The following HAP1 variants were observed in gnomAD, a reference collection of about 807,000 sequenced individuals.
The protein encoded by HAP1 is huntingtin-associated protein 1.
Under a neutral mutation model 60.3 loss-of-function variants are expected in HAP1, and 59 were observed. The ratio of observed to expected loss-of-function variants is 0.98; its 90% CI spans 0.79 to 1.22. The LOEUF (loss-of-function observed/expected upper bound fraction) is 1.22, where lower values mean the gene tolerates loss of function less well. HAP1 is among the 50% of genes most tolerant of loss of function. The probability of loss-of-function intolerance (pLI) is 0.00; values close to 1 mark genes in which losing one functional copy is unlikely to be tolerated. For synonymous variants in HAP1, 346 were observed against 330.6 expected (o/e 1.05, Z -0.50); for missense variants, 825 against 785.3 (o/e 1.05, Z -0.60).
rs781844983 is a variant in HAP1, at chr17:41,734,405, T to C, written c.230A>G (p.Lys77Arg). The part of the protein sequence containing the change: ...GARPASEAGA[K>R]AGARRPSAFS... ...TGCGGACGGGCGCCGGGCTCCTGCC[T>C]TGGCTCCAGCCTCCGAGGCCGGGCG... Residue 77 changes from lysine to arginine, a missense_variant, in exon 1 of 11, where the codon AAG (lysine) becomes AGG (arginine). Lys to Arg is a conservative substitution (Grantham distance 26). Coordinates refer to ENST00000347901, the MANE Select transcript of HAP1 (RefSeq NM_177977.3). 6.8e-6 allele frequency: 11 copies of C among 1,607,694 alleles called. No individual in the cohort carries two copies. Among genetic ancestry groups the C allele is most frequent in the Admixed American group, 5.0e-5 (3 of 59,894 alleles).
chr17:41,727,667 C>A, intron 8 of HAP1, 95 bp downstream of exon 8: 1 of 763,286 alleles, frequency 1.3e-6, no homozygotes. Context: ...TCCTGCTAGT[C>A]CTCTCCAGAG....
chr17:41,724,680 G>T lies in HAP1; in HGVS notation c.*21C>A. 1.9e-6 allele frequency: 3 copies of T among 1,562,168 alleles called. No homozygotes were observed. The highest frequency in any genetic ancestry group is 2.6e-6 in the Non-Finnish European group (3 of 1,146,406). ...AGGCTGGGGCAGGTGAGCACTCGGG[G>T]AGCTTATCCACCCTCTCTTTTCATC... On this transcript the variant is annotated 3_prime_UTR_variant, in exon 11 of 11. Coordinates refer to ENST00000347901, the MANE Select transcript of HAP1 (RefSeq NM_177977.3).
chr17:41,731,128 C>G (rs1555590726), intron 6 of HAP1, among the ~76,000 whole-genome samples: 1 of 152,132 alleles, frequency 6.6e-6, no homozygotes, highest in Non-Finnish European at 1.5e-5. Context: ...TTAGGCTGGT[C>G]TCAAACTCCT....
intron 6 of HAP1, among the ~76,000 whole-genome samples, chr17:41,728,846 C>G (rs150857686): frequency 4.0e-4 from 61 of 152,264 alleles, no homozygotes; most frequent in African/African-American, 1.3e-3. Flanking sequence ...CAGGCCAGAC[C>G]ACAGTAGTGG....
downstream of HAP1, among the ~76,000 whole-genome samples, chr17:41,719,890 C>CTTTTT (rs33939681): frequency 1.6e-5 from 2 of 128,830 alleles, no homozygotes; most frequent in Non-Finnish European, 1.6e-5. Context: ...AGATATTTAA[C>CTTTTT]TTTTTTTTTT....
At chr17:41,729,868 CAAAAAAAA>C (rs71155164) in intron 6 of HAP1, among the ~76,000 whole-genome samples, 4 of 59,880 alleles carry the variant, frequency 6.7e-5, no homozygotes, top group African/African-American at 6.7e-5. Context: ...GAGACTCCGT[CAAAAAAAA>C]AAAAAAAAAA....
At chr17:41,727,666 TC>T in intron 8 of HAP1, 95 bp downstream of exon 8, 1 of 754,240 alleles carries the variant, frequency 1.3e-6, no homozygotes, top group Non-Finnish European at 2.3e-6. Context: ...TTCCTGCTAG[TC>T]CTCTCCAGAG....
chr17:41,728,214 T>TA lies in HAP1; in HGVS notation c.1186_1187insT (p.Gln396LeufsTer9). On this transcript the variant is annotated frameshift_variant, in exon 7 of 11. Transcript: ENST00000347901. LOFTEE classifies it high-confidence loss of function. The stretch of plus-strand genomic sequence containing the variant: ...CACCCGACTCACCATCCGGCAGCGC[T>TA]GCTGCAGCTTCAGCACCTGGGCCTG... 2 of 1,612,344 alleles carry TA rather than the reference T, an allele frequency of 1.2e-6. No homozygotes were observed. Among genetic ancestry groups the TA allele is most frequent in the Non-Finnish European group, 1.7e-6 (2 of 1,180,002 alleles).
intron 1 of HAP1, among the ~76,000 whole-genome samples, chr17:41,733,351 GCT>G (rs1491134509): frequency 4.4e-5 from 2 of 45,944 alleles, no homozygotes; most frequent in Non-Finnish European, 9.3e-5. Flanking sequence ...ACCGCGCCCG[GCT>G]TTTTTTTTTT....
At position 41,732,363 on chromosome 17, in the gene HAP1, T is replaced by C. The variant is rs782232693; in HGVS notation, c.581A>G (p.Tyr194Cys). ...CCTCTCTCTCTGCAGGACCATCCCATAGGTAACGCTCTCCCAGACAGGTGG... is the reference window on the plus strand; with the variant it reads ...CCTCTCTCTCTGCAGGACCATCCCACAGGTAACGCTCTCCCAGACAGGTGG... The part of the protein sequence containing the change: ...LLPPVWESVT[Y>C]GMVLQRERDL... The change falls in exon 3 of 11, where the codon TAT (tyrosine) becomes TGT (cysteine). Residue 194 changes from tyrosine to cysteine, a missense_variant. By Grantham distance (194) the Tyr-to-Cys change is radical. Coordinates refer to ENST00000347901, the MANE Select transcript of HAP1 (RefSeq NM_177977.3). 3 of 1,613,990 alleles carry C rather than the reference T, an allele frequency of 1.9e-6. No homozygotes were observed. Among genetic ancestry groups the C allele is most frequent in the East Asian group, 2.2e-5 (1 of 44,880 alleles).
chr17:41,728,160 A>G (rs569056082), intron 7 of HAP1, 41 bp downstream of exon 7: 1 of 1,602,216 alleles, frequency 6.2e-7, no homozygotes, highest in East Asian at 2.2e-5. Context: ...CTAGGGTCCC[A>G]TGGGGCCACG....
In HAP1 at chr17:41,732,394, G is replaced by T; in HGVS notation, c.550C>A (p.Leu184Ile). ...ACGCTCTCCCAGACAGGTGGGAGAA[G>T]CTGGGGGGGACACAGGGGTCAGAGA... ...VKVMLYLLEE[L>I]LPPVWESVTY... Residue 184 changes from leucine (L) to isoleucine (I), a missense_variant and splice_region_variant, in exon 3 of 11, where the codon CTT (leucine) becomes ATT (isoleucine). By Grantham distance (5) the Leu-to-Ile change is conservative. Coordinates refer to ENST00000347901, the MANE Select transcript of HAP1 (RefSeq NM_177977.3). 6.2e-7 allele frequency: 1 copy of T among 1,613,910 alleles called. No homozygotes were observed. Among genetic ancestry groups the T allele is most frequent in the Non-Finnish European group, 8.5e-7 (1 of 1,179,922 alleles).
chr17:41,732,290 G>A lies in HAP1; in HGVS notation c.654C>T (p.Asn218=). 6.2e-7 allele frequency: 1 copy of A among 1,614,114 alleles called. No individual in the cohort carries two copies. Among genetic ancestry groups the A allele is most frequent in the Non-Finnish European group, 8.5e-7 (1 of 1,180,012 alleles). ...ARIGQSLVKQ[N]SVLMEENSKL... ...TGCTGTTCTCCTCCATCAAAACACTGTTCTGTTTCACCAGGGACTGGCCGA... is the reference window on the plus strand; with the variant it reads ...TGCTGTTCTCCTCCATCAAAACACTATTCTGTTTCACCAGGGACTGGCCGA... Residue 218 remains asparagine, a synonymous_variant, in exon 3 of 11, where the codon AAC becomes AAT. Transcript: ENST00000347901.
At position 41,731,570 on chromosome 17, in the gene HAP1, A is replaced by T. The variant is rs782115279; in HGVS notation, c.1003-11T>A. On this transcript the variant is annotated splice_polypyrimidine_tract_variant and intron_variant, in intron 5 of 10. Transcript: ENST00000347901. Reference sequence around the variant, plus strand: ...GTCGAGTTGAGAGGCCTGGAGGGAGACAAAGAGGAAGGGACAGGGAAGTCA... The same window carrying T: ...GTCGAGTTGAGAGGCCTGGAGGGAGTCAAAGAGGAAGGGACAGGGAAGTCA... 4 of 1,610,218 alleles carry T rather than the reference A, an allele frequency of 2.5e-6. No individual in the cohort carries two copies. The African/African-American group carries it at 5.3e-5, about 22-fold the overall frequency.
intron 7 of HAP1, 142 bp from the exon 8 acceptor site, chr17:41,727,978 A>G (rs578082443): frequency 3.3e-5 from 23 of 698,412 alleles, no homozygotes; most frequent in Non-Finnish European, 1.5e-5. Flanking sequence ...GAGGGCAAAG[A>G]AGGCAGGGGA....
chr17:41,730,915 CTT>C (rs11314342), intron 6 of HAP1, among the ~76,000 whole-genome samples: 111 of 145,478 alleles, frequency 7.6e-4, no homozygotes, highest in Non-Finnish European at 7.0e-4. Flanking sequence ...GGAGACCCAC[CTT>C]TTTTTTTTTT....
chr17:41,724,742 G>C lies in HAP1; in HGVS notation c.1819C>G (p.Pro607Ala). Residue 607 changes from proline (P) to alanine (A), a missense_variant, in exon 11 of 11, where the codon CCT becomes GCT. Transcript: ENST00000347901. Reference sequence around the variant, plus strand: ...CTGCAGCTTGTCCGGCTGGCGGCAGGGAGGGCCCCGTGGGGGCACTCACCT... The same window carrying C: ...CTGCAGCTTGTCCGGCTGGCGGCAGCGAGGGCCCCGTGGGGGCACTCACCT... ...QKGECPHGAL[P>A]AASRTSCRSS... 6.3e-7 allele frequency: 1 copy of C among 1,596,338 alleles called. No individual in the cohort carries two copies. Among genetic ancestry groups the C allele is most frequent in the South Asian group, 1.1e-5 (1 of 90,742 alleles).
Position 41,724,129 on chromosome 17 carries a change from G to C in HAP1, c.*572C>G, listed in dbSNP as rs1555587840. 6.5e-6 allele frequency: 1 copy of C among 153,288 alleles called. No homozygotes were observed. The highest frequency in any genetic ancestry group is 1.9e-4 in the East Asian group (1 of 5,210). The allele number at this position is 153,288 out of a possible 1,614,324, so 9.5% of individuals were successfully genotyped here. ...ACTTTGGGGTTTCTGGCTGGGGAGA[G>C]GAGACCCTGTTCCACCCCACAACCC... is the stretch of plus-strand genomic sequence containing the variant. On this transcript the variant is annotated 3_prime_UTR_variant, in exon 11 of 11. Transcript: ENST00000347901.
At position 41,734,319 on chromosome 17, in the gene HAP1, G is replaced by T. The variant is rs1555592002; in HGVS notation, c.316C>A (p.Arg106Ser). The change falls in exon 1 of 11, where the codon CGC becomes AGC. Residue 106 changes from arginine to serine, a missense_variant. Coordinates refer to ENST00000347901, the MANE Select transcript of HAP1 (RefSeq NM_177977.3). ...CCAAACGGCCCTTGGAATACGAAGC[G>T]GGTCCACGGCGCGTCCGAATTGTCG... ...MPDNSDAPWT[R>S]FVFQGPFGSR... The T allele has an allele frequency of 2.5e-6, 4 of 1,608,942 alleles. No homozygotes were observed. The highest frequency in any genetic ancestry group is 4.5e-5 in the East Asian group (2 of 44,728).
Sources: allele counts gnomAD v4.1 joint callset (sites outside exome capture counted in the v4.1 genomes callset), GRCh38; gene constraint gnomAD v4.1.1; transcripts MANE v1.5; gene names NCBI Gene and HGNC (gene_info 2026-07-23, HGNC 2026-07-21).